GLDC: variants seen among roughly 807,000 people sequenced by gnomAD.
GLDC encodes glycine decarboxylase.
In GLDC, 104 loss-of-function variants were observed where a neutral mutation model predicts 121.3. The ratio of observed to expected loss-of-function variants is 0.86; its 90% CI spans 0.73 to 1.01. GLDC has a LOEUF of 1.01. Among genes scored for constraint, GLDC ranks in the 50% least tolerant of loss-of-function variants. The pLI, the probability that GLDC is intolerant of heterozygous loss-of-function variation, is 0.00. For missense variants in GLDC, 1,429 were observed against 1,306.6 expected, an observed-to-expected ratio of 1.09 and a Z score of -1.44; for synonymous variants, 546 against 480.6, an observed-to-expected ratio of 1.14 and a Z score of -1.78.
chr9:6,562,132 T>C (rs532699538), intron 16 of GLDC, among the ~76,000 whole-genome samples: 34 of 152,338 alleles, frequency 2.2e-4, no homozygotes, highest in Admixed American at 4.6e-4. Flanking sequence ...AGGATTTGAC[T>C]GACAAATTGA....
Position 6,565,432 on chromosome 9 carries a change from T to A in GLDC, c.1851-3A>T. ...CAGCATATTCTCCCTGGGCTCCGCT[T>A]GCAAAGACAAGAAGAAAGGGATCAC... On this transcript the variant is annotated splice_region_variant and splice_polypyrimidine_tract_variant and intron_variant, in intron 15 of 24. Coordinates refer to ENST00000321612, the MANE Select transcript of GLDC (RefSeq NM_000170.3). 1 of 1,611,534 alleles carries A rather than the reference T, an allele frequency of 6.2e-7. No homozygotes were observed. Among genetic ancestry groups the A allele is most frequent in the Non-Finnish European group, 8.5e-7 (1 of 1,177,618 alleles).
At chr9:6,568,782 G>A (rs945365737) in intron 15 of GLDC, 1 of 152,192 alleles carries the variant, frequency 6.6e-6, no homozygotes, top group Non-Finnish European at 1.5e-5. Context: ...CTGGGAGGTG[G>A]AGGTTGCAGT....
At chr9:6,628,528 G>A (rs746643624) in intron 2 of GLDC, among the ~76,000 whole-genome samples, 18 of 152,218 alleles carry the variant, frequency 1.2e-4, no homozygotes, top group Non-Finnish European at 2.5e-4. Flanking sequence ...AGTGGCTCAC[G>A]CCTGTTAATC....
intron 7 of GLDC, among the ~76,000 whole-genome samples, chr9:6,603,798 C>T (rs571450980): frequency 1.3e-5 from 2 of 149,914 alleles, no homozygotes; most frequent in South Asian, 4.2e-4. Flanking sequence ...AGCGCGATCT[C>T]GGCTCACTGC....
In GLDC at chr9:6,593,071, G is replaced by C. The variant is rs73400317; in HGVS notation, c.1262-81C>G. ...TTGACATGTCACAGAATAATAAAGA[G>C]ATAAATTCTACTAGACTCTTGTTGG... On this transcript the variant is annotated intron_variant, in intron 9 of 24. Coordinates refer to ENST00000321612, the MANE Select transcript of GLDC (RefSeq NM_000170.3). 0.013 allele frequency: 19,584 copies of C among 1,466,236 alleles called. 859 individuals are homozygous for C. The African/African-American group carries it at 0.14, about 10-fold the overall frequency. 90.8% of individuals were successfully genotyped at this position (1,466,236 alleles called of 1,614,324 possible).
At chr9:6,617,644 A>T (rs1818991583) in intron 3 of GLDC, among the ~76,000 whole-genome samples, 1 of 152,234 alleles carries the variant, frequency 6.6e-6, no homozygotes, top group Admixed American at 6.5e-5. Flanking sequence ...AATAAAGTGG[A>T]GCATATTGAA....
At chr9:6,542,255 G>A (rs1411723694) in intron 21 of GLDC, 1 of 152,194 alleles carries the variant, frequency 6.6e-6, no homozygotes, top group Non-Finnish European at 1.5e-5. Flanking sequence ...AAAAGAAATT[G>A]AGACACAGTT....
chr9:6,644,029 C>CAAAAAAAAAAAAAAAAAAAAACAAA (rs1819683766), intron 2 of GLDC, among the ~76,000 whole-genome samples: 1 of 18,332 alleles, frequency 5.5e-5, no homozygotes, highest in Non-Finnish European at 9.8e-5. Context: ...GATTCTGTCT[C>CAAAAAAAAAAAAAAAAAAAAACAAA]AAAAAAAAAA....
chr9:6,582,933 T>C (rs1345215998), intron 15 of GLDC, among the ~76,000 whole-genome samples: 1 of 152,010 alleles, frequency 6.6e-6, no homozygotes, highest in African/African-American at 2.4e-5. Context: ...AAAGAAGATG[T>C]ACAAATGCAT....
At chr9:6,557,828 G>C (rs1817669259) in intron 17 of GLDC, 1 of 154,238 alleles carries the variant, frequency 6.5e-6, no homozygotes, top group Non-Finnish European at 1.4e-5. Context: ...ATAATGGAGG[G>C]ACTTAATAAT....
intron 2 of GLDC, among the ~76,000 whole-genome samples, chr9:6,632,788 A>G (rs1387301109): frequency 1.3e-5 from 2 of 152,194 alleles, no homozygotes; most frequent in African/African-American, 2.4e-5. Flanking sequence ...TGAGCTGACT[A>G]GTGGACCTTG....
intron 2 of GLDC, among the ~76,000 whole-genome samples, chr9:6,628,927 C>T (rs1819304760): frequency 6.6e-6 from 1 of 152,118 alleles, no homozygotes; most frequent in African/African-American, 2.4e-5. Context: ...CTTGTTTATT[C>T]TGCCTCAGAG....
chr9:6,606,752 C>A, intron 4 of GLDC, 83 bp from the exon 5 acceptor site: 1 of 849,242 alleles, frequency 1.2e-6, no homozygotes, highest in Non-Finnish European at 2.1e-6. Context: ...AACATAGTAC[C>A]GAGGGTAAGT....
At chr9:6,554,226 T>A (rs1364407700) in intron 19 of GLDC, among the ~76,000 whole-genome samples, 1 of 152,192 alleles carries the variant, frequency 6.6e-6, no homozygotes, top group Non-Finnish European at 1.5e-5. Flanking sequence ...GGTTTGTTTC[T>A]TCCTTACTTA....
chr9:6,563,004 T>C (rs773787488), intron 16 of GLDC, among the ~76,000 whole-genome samples: 8 of 152,128 alleles, frequency 5.3e-5, no homozygotes, highest in Non-Finnish European at 1.0e-4. Flanking sequence ...CTCTCCCTCC[T>C]GCAGAGTGAA....
At position 6,550,933 on chromosome 9, in the gene GLDC, G is replaced by C; in HGVS notation, c.2458-19C>G. ...CCATCATCTGCAACAAAGGGAAAAA[G>C]AGCCATTAGCCATTGAACAGGCAAA... On this transcript the variant is annotated intron_variant, in intron 20 of 24. Coordinates refer to ENST00000321612, the MANE Select transcript of GLDC (RefSeq NM_000170.3). The C allele has an allele frequency of 1.3e-6, 2 of 1,497,808 alleles. No individual in the cohort carries two copies. Among genetic ancestry groups the C allele is most frequent in the Admixed American group, 1.7e-5 (1 of 59,868 alleles). The allele number at this position is 1,497,808 out of a possible 1,614,324, so 92.8% of individuals were successfully genotyped here.
chr9:6,553,624 G>T (rs1220090263), intron 19 of GLDC, 115 bp from the exon 20 acceptor site: 5 of 955,720 alleles, frequency 5.2e-6, no homozygotes, highest in African/African-American at 1.6e-5. Context: ...TCTGACAGTG[G>T]AAGGGACTCT....
intron 11 of GLDC, among the ~76,000 whole-genome samples, chr9:6,590,962 C>G (rs1294481997): frequency 6.6e-6 from 1 of 152,202 alleles, no homozygotes; most frequent in Non-Finnish European, 1.5e-5. Flanking sequence ...ACTCAGCACT[C>G]TGGAAGGTAT....
intron 15 of GLDC, among the ~76,000 whole-genome samples, chr9:6,583,783 T>G (rs959044563): frequency 6.6e-6 from 1 of 152,236 alleles, no homozygotes; most frequent in Non-Finnish European, 1.5e-5. Context: ...AAATATTGTA[T>G]GATCCACTTA....
Sources: allele counts gnomAD v4.1 joint callset (sites outside exome capture counted in the v4.1 genomes callset), GRCh38; gene constraint gnomAD v4.1.1; transcripts MANE v1.5; gene names NCBI Gene and HGNC (gene_info 2026-07-23, HGNC 2026-07-21).